Variants in CPED1 observed in about 807,000 individuals in gnomAD.
CPED1 encodes cadherin like and PC-esterase domain containing 1, also known as cadherin-like and PC-esterase domain-containing protein 1.
Under a neutral mutation model 128.2 loss-of-function variants are expected in CPED1, and 114 were observed. That is an observed-to-expected ratio of 0.89 (90% CI 0.76 to 1.04). The LOEUF (loss-of-function observed/expected upper bound fraction) is 1.04. Among genes scored for constraint, CPED1 ranks in the 50% least tolerant of loss-of-function variants. The pLI, the probability that CPED1 is intolerant of heterozygous loss-of-function variation, is 0.00. For missense variants in CPED1, 1,211 were observed against 1,207.1 expected, an observed-to-expected ratio of 1.00 and a Z score of -0.05; for synonymous variants, 462 against 426.7, an observed-to-expected ratio of 1.08 and a Z score of -1.02.
At chr7:121,043,389 C>CA (rs1314362102) in intron 3 of CPED1, among the ~76,000 whole-genome samples, 1 of 152,098 alleles carries the variant, frequency 6.6e-6, no homozygotes. Flanking sequence ...TGACCTTCCC[C>CA]AATCTTATGG....
At chr7:121,256,253 G>T (rs2116722704) in intron 18 of CPED1, among the ~76,000 whole-genome samples, 1 of 151,666 alleles carries the variant, frequency 6.6e-6, no homozygotes, top group African/African-American at 2.4e-5. Context: ...AAGTGGAACA[G>T]AATAGAAAAC....
chr7:121,160,384 G>C (rs1952128501), intron 16 of CPED1, among the ~76,000 whole-genome samples: 1 of 152,156 alleles, frequency 6.6e-6, no homozygotes, highest in Admixed American at 6.5e-5. Flanking sequence ...AGAGATATGA[G>C]GGGATAGAGA....
chr7:121,200,551 G>A (rs1168871465), intron 16 of CPED1, among the ~76,000 whole-genome samples: 10 of 151,934 alleles, frequency 6.6e-5, no homozygotes, highest in Admixed American at 6.6e-4. Flanking sequence ...TGGGAATGTG[G>A]GTGTACCTTC....
chr7:121,256,461 C>A (rs1040774062), intron 18 of CPED1, among the ~76,000 whole-genome samples: 1 of 151,928 alleles, frequency 6.6e-6, no homozygotes, highest in African/African-American at 2.4e-5. Flanking sequence ...AAATGTAAGA[C>A]CTCAAGCTAT....
In CPED1 at chr7:121,236,822, G is replaced by A. The variant is rs1177929521; in HGVS notation, c.2164G>A (p.Asp722Asn). 6.4e-7 allele frequency: 1 copy of A among 1,562,680 alleles called. No individual in the cohort carries two copies. Among genetic ancestry groups the A allele is most frequent in the Non-Finnish European group, 8.8e-7 (1 of 1,140,696 alleles). The change falls in exon 17 of 23, where the codon GAC becomes AAC. Residue 722 changes from aspartate to asparagine, a missense_variant. Asp to Asn is a conservative substitution (Grantham distance 23). Coordinates refer to ENST00000310396, the MANE Select transcript of CPED1 (RefSeq NM_024913.5). ...QSELKRCPSG[D>N]MKGQWIVPCL... ...TGAACTAAAAAGATGTCCATCTGGG[G>A]ACATGAAAGGTGACTATCACATTGG...
chr7:121,249,758 C>CAAG (rs1259773055), intron 18 of CPED1, among the ~76,000 whole-genome samples: 2 of 152,238 alleles, frequency 1.3e-5, no homozygotes, highest in East Asian at 3.9e-4. Flanking sequence ...ATCAATTCAA[C>CAAG]AAGAAGAACT....
chr7:121,046,597 A>ATCTTTTAAATGAATTTTATAATG (rs1456164864), intron 3 of CPED1, among the ~76,000 whole-genome samples: 6 of 151,948 alleles, frequency 3.9e-5, no homozygotes, highest in Non-Finnish European at 5.9e-5. Flanking sequence ...TCTAATTTCA[A>ATCTTTTAAATGAATTTTATAATG]TCTTTTAAAT....
intron 18 of CPED1, among the ~76,000 whole-genome samples, chr7:121,264,157 T>C (rs1167709562): frequency 6.6e-6 from 1 of 152,054 alleles, no homozygotes; most frequent in Non-Finnish European, 1.5e-5. Flanking sequence ...CCAACCCTAC[T>C]AGCTACTTGA....
intron 2 of CPED1, among the ~76,000 whole-genome samples, chr7:121,014,502 A>C (rs1189599542): frequency 6.8e-6 from 1 of 147,558 alleles, no homozygotes; most frequent in African/African-American, 2.5e-5. Flanking sequence ...GTGAGCCGAG[A>C]TTGCACCACT....
intron 3 of CPED1, among the ~76,000 whole-genome samples, chr7:121,039,962 T>C (rs1255197719): frequency 1.3e-5 from 2 of 152,060 alleles, no homozygotes; most frequent in Non-Finnish European, 2.9e-5. Flanking sequence ...TCACAGATAC[T>C]ATTATGTCTC....
chr7:121,211,874 G>A (rs1040267046), intron 16 of CPED1, among the ~76,000 whole-genome samples: 8 of 152,042 alleles, frequency 5.3e-5, no homozygotes, highest in African/African-American at 1.9e-4. Flanking sequence ...CACAGCAACA[G>A]CATTCAAGTT....
At chr7:121,288,922 A>G (rs1446262429) in intron 22 of CPED1, among the ~76,000 whole-genome samples, 1 of 152,190 alleles carries the variant, frequency 6.6e-6, no homozygotes, top group Non-Finnish European at 1.5e-5. Context: ...AAACTTCCTG[A>G]AGACTGCTCA....
chr7:121,177,957 C>T (rs975082270), intron 16 of CPED1, among the ~76,000 whole-genome samples: 7 of 152,004 alleles, frequency 4.6e-5, no homozygotes, highest in African/African-American at 1.7e-4. Flanking sequence ...TTATTGTCAT[C>T]CCCAAGATAT....
At chr7:121,232,222 C>T (rs917017158) in intron 16 of CPED1, among the ~76,000 whole-genome samples, 1 of 152,090 alleles carries the variant, frequency 6.6e-6, no homozygotes, top group African/African-American at 2.4e-5. Context: ...TCCATTCCCC[C>T]TCACCTGTTT....
intron 18 of CPED1, among the ~76,000 whole-genome samples, chr7:121,264,399 G>T (rs988038844): frequency 1.3e-5 from 2 of 152,038 alleles, no homozygotes; most frequent in Non-Finnish European, 2.9e-5. Flanking sequence ...GTAGTAAGAA[G>T]AAATTCAAGT....
chr7:121,028,065 G>A (rs571495790), intron 3 of CPED1, among the ~76,000 whole-genome samples: 1 of 152,082 alleles, frequency 6.6e-6, no homozygotes, highest in African/African-American at 2.4e-5. Flanking sequence ...GCTCTACCAT[G>A]GTACCTACTG....
At chr7:121,285,662 G>A (rs1792552615) in intron 22 of CPED1, among the ~76,000 whole-genome samples, 1 of 152,142 alleles carries the variant, frequency 6.6e-6, no homozygotes, top group Non-Finnish European at 1.5e-5. Context: ...TTCCCAACAA[G>A]TTCCTCATCT....
chr7:121,252,556 G>A lies in CPED1; in HGVS notation c.2310+8218G>A, dbSNP rs563467972. ...ACCTACAAAATGGGAGAAAATTTTC[G>A]CAACCTACTCATCTGACAAAGGGCT... is the stretch of plus-strand genomic sequence containing the variant. On this transcript the variant is annotated intron_variant, in intron 18 of 22. Coordinates refer to ENST00000310396, the MANE Select transcript of CPED1 (RefSeq NM_024913.5). 1.4e-4 allele frequency among the ~76,000 whole-genome samples: 22 copies of A among 151,970 alleles called. No homozygotes were observed. The South Asian group carries it at 3.3e-3, about 23-fold the overall frequency.
In CPED1 at chr7:121,099,814, G is replaced by A; in HGVS notation, c.750-112G>A. ...TGTTCAAGGAAACCCACACACTGAG[G>A]GCTGGCGTCCTACAAAGGATAGAAG... On this transcript the variant is annotated intron_variant, in intron 6 of 22. Coordinates refer to ENST00000310396, the MANE Select transcript of CPED1 (RefSeq NM_024913.5). The A allele has an allele frequency of 6.5e-6, 7 of 1,082,090 alleles. No homozygotes were observed. The South Asian group carries it at 8.2e-5, about 13-fold the overall frequency. 67.0% of individuals were successfully genotyped at this position (1,082,090 alleles called of 1,614,324 possible). A position where few individuals can be genotyped will look rare whatever the true frequency, so the allele number is the denominator to read the frequency against.
Sources: gnomAD v4.1 joint callset for allele counts (sites outside exome capture counted in the v4.1 genomes callset) on GRCh38, gnomAD v4.1.1 for gene constraint, MANE v1.5 for transcripts, NCBI Gene and HGNC (gene_info 2026-07-23, HGNC 2026-07-21) for gene names.